The following IGFN1 variants were observed in gnomAD, a reference collection of about 807,000 sequenced individuals.
IGFN1 encodes immunoglobulin like and fibronectin type III domain containing 1, also known as immunoglobulin-like and fibronectin type III domain-containing protein 1.
Under a neutral mutation model 289.5 loss-of-function variants are expected in IGFN1, and 253 were observed. That is an observed-to-expected ratio of 0.87 (90% CI 0.79 to 0.97). The LOEUF (loss-of-function observed/expected upper bound fraction) is 0.97, where lower values mean the gene tolerates loss of function less well. Among genes scored for constraint, IGFN1 ranks in the 50% least tolerant of loss-of-function variants. IGFN1 has a pLI of 0.00. For synonymous variants in IGFN1, 1,706 were observed against 1,788.5 expected, an observed-to-expected ratio of 0.95 and a Z score of 1.16; for missense variants, 4,470 against 4,686.1, an observed-to-expected ratio of 0.95 and a Z score of 1.35.
rs1022969157 is a variant in IGFN1 at position 201,192,320 on chromosome 1, A to G, written c.-47-927A>G. On this transcript the variant is annotated intron_variant, in intron 1 of 23. Transcript: ENST00000335211. ...CTTTGGGCAGAAAATGGAGTCCCCA[A>G]AATGGAACCGCTTGGCCATGGGCCA... is the stretch of plus-strand genomic sequence containing the variant. Among the ~76,000 whole-genome samples the G allele has an allele frequency of 3.9e-5, 6 of 152,206 alleles. No homozygotes were observed. In the South Asian group the frequency reaches 1.2e-3, roughly 31 times the overall value.
chr1:201,215,442 T>A (rs1653161413), intron 14 of IGFN1, 97 bp from the exon 15 acceptor site: 3 of 1,143,154 alleles, frequency 2.6e-6, no homozygotes, highest in Non-Finnish European at 3.7e-6. Context: ...GGGGATTCCT[T>A]ACTCTTCCCC....
chr1:201,200,342 C>T lies in IGFN1; in HGVS notation c.564C>T (p.Ile188=), dbSNP rs752889375. Residue 188 remains isoleucine, a synonymous_variant, in exon 8 of 24, where the codon ATC becomes ATT. Coordinates refer to ENST00000335211, the MANE Select transcript of IGFN1 (RefSeq NM_001164586.2). ...DYEKICLKYG[I]VDYRGMLRRL... is the part of the protein sequence containing the mutation. ...AGAAGATCTGCTTGAAGTATGGCAT[C>T]GTCGACTACCGTGGCATGTTGCGCA... is the stretch of plus-strand genomic sequence containing the variant. The T allele has an allele frequency of 1.7e-5, 26 of 1,551,582 alleles. No individual in the cohort carries two copies. Among genetic ancestry groups the T allele is most frequent in the Middle Eastern group, 3.3e-4 (2 of 6,018 alleles).
In IGFN1 at chr1:201,210,799, C is replaced by T. The variant is rs1445291488; in HGVS notation, c.5906C>T (p.Pro1969Leu). The change falls in exon 12 of 24, where the codon CCT (proline) becomes CTT (leucine). Residue 1969 changes from proline to leucine, a missense_variant. Around this residue, in one of 8 missense-constraint regions of IGFN1, gnomAD observed 108 missense variants for 128.7 expected, o/e 0.84. Coordinates refer to ENST00000335211, the MANE Select transcript of IGFN1 (RefSeq NM_001164586.2). ...GGTTATAGGAAGGATTTGGGGGCTC[C>T]TAAGGGAATGGGTTCAGGGAGTAAG... ...KAGYRKDLGA[P>L]KGMGSGSKEG... The T allele has an allele frequency of 2.3e-5, 35 of 1,528,298 alleles. No individual in the cohort carries two copies. Among genetic ancestry groups the T allele is most frequent in the Non-Finnish European group, 2.9e-5 (33 of 1,144,054 alleles). 94.7% of individuals were successfully genotyped at this position (1,528,298 alleles called of 1,614,324 possible). A position where few individuals can be genotyped will look rare whatever the true frequency, so the allele number is the denominator to read the frequency against.
At chr1:201,202,024 T>A (rs1558136980) in intron 9 of IGFN1, among the ~76,000 whole-genome samples, 192 bp downstream of exon 9, 2 of 152,166 alleles carry the variant, frequency 1.3e-5, no homozygotes, top group Middle Eastern at 3.2e-3. Context: ...CCACAGGGAC[T>A]TCTTATCTCA....
At chr1:201,217,812 A>G (rs1406453753) in intron 17 of IGFN1, among the ~76,000 whole-genome samples, 1 of 152,218 alleles carries the variant, frequency 6.6e-6, no homozygotes, top group African/African-American at 2.4e-5. Flanking sequence ...CCCGGCTGAG[A>G]GCCAGAGATG....
At chr1:201,203,987 G>A (rs1192831006) in intron 10 of IGFN1, 81 bp downstream of exon 10, 3 of 1,274,440 alleles carry the variant, frequency 2.4e-6, no homozygotes, top group African/African-American at 3.0e-5. Flanking sequence ...GTGTGTGTTG[G>A]GGGGTAAATG....
rs945425558 is a variant in IGFN1, at chr1:201,221,445, A to G, written c.9900A>G (p.Arg3300=). ...SDAVFARDPM[R]PPGLVRNLQV... Reference sequence around the variant, plus strand: ...TGACTCTCCCATGGTGCCTGGCAGGACCCCCTGGGCTGGTGAGGAATCTCC... The same window carrying G: ...TGACTCTCCCATGGTGCCTGGCAGGGCCCCCTGGGCTGGTGAGGAATCTCC... The change falls in exon 19 of 24, where the codon AGA becomes AGG. Residue 3300 remains arginine (R), a splice_region_variant and synonymous_variant. Transcript: ENST00000335211. 2 of 1,567,708 alleles carry G rather than the reference A, an allele frequency of 1.3e-6. No individual in the cohort carries two copies. The highest frequency in any genetic ancestry group is 8.7e-7 in the Non-Finnish European group (1 of 1,153,954).
At chr1:201,201,633 G>T (rs1474059560) in intron 8 of IGFN1, 86 bp from the exon 9 acceptor site, 9 of 704,830 alleles carry the variant, frequency 1.3e-5, no homozygotes, top group Non-Finnish European at 1.8e-5. Flanking sequence ...GTGGGCCTGG[G>T]ATGGTACCAG....
At chr1:201,221,918 T>G (rs1453038999) in intron 19 of IGFN1, among the ~76,000 whole-genome samples, 172 bp downstream of exon 19, 1 of 152,232 alleles carries the variant, frequency 6.6e-6, no homozygotes, top group Non-Finnish European at 1.5e-5. Context: ...AGTCCCTTCT[T>G]AGAAATGTTT....
Position 201,193,246 on chromosome 1 carries a change from G to A in IGFN1, c.-47-1G>A, listed in dbSNP as rs1666736177. On this transcript the variant is annotated splice_acceptor_variant, in intron 1 of 23. Transcript: ENST00000335211. LOFTEE classifies it low-confidence loss of function (5UTR_SPLICE). ...AAAAGCAATTCCATTTCTGTTCTCA[G>A]GGTAATAGAACTTCTACCCTCAGAG... 4 of 1,436,572 alleles carry A rather than the reference G, an allele frequency of 2.8e-6. No homozygotes were observed. Among genetic ancestry groups the A allele is most frequent in the Non-Finnish European group, 2.9e-6 (3 of 1,041,062 alleles). 89.0% of individuals were successfully genotyped at this position (1,436,572 alleles called of 1,614,324 possible). A position where few individuals can be genotyped will look rare whatever the true frequency, so the allele number is the denominator to read the frequency against.
chr1:201,206,438 CAGA>C lies in IGFN1; in HGVS notation c.1548_1550del (p.Arg516del). On this transcript the variant is annotated inframe_deletion, in exon 12 of 24. Transcript: ENST00000335211. ...AATCCCACAGAGAGGGAGGCTGGGCCAGAAGCCTTGCAGAGAGGCCCCATCTAC... is the reference window on the plus strand; with the variant it reads ...AATCCCACAGAGAGGGAGGCTGGGCCAGCCTTGCAGAGAGGCCCCATCTAC... 1 of 1,551,192 alleles carries C rather than the reference CAGA, an allele frequency of 6.4e-7. No homozygotes were observed. Among genetic ancestry groups the C allele is most frequent in the Non-Finnish European group, 8.7e-7 (1 of 1,146,988 alleles).
chr1:201,193,512 C>T (rs768754261), intron 2 of IGFN1, among the ~76,000 whole-genome samples: 4 of 152,034 alleles, frequency 2.6e-5, no homozygotes, highest in South Asian at 4.1e-4. Context: ...AGTACAGTGA[C>T]GCGATCTCAG....
rs112342973 is a variant in IGFN1 at position 201,214,181 on chromosome 1, C to T, written c.8733C>T (p.Pro2911=). 6 of 1,612,020 alleles carry T rather than the reference C, an allele frequency of 3.7e-6. No homozygotes were observed. The highest frequency in any genetic ancestry group is 1.3e-5 in the African/African-American group (1 of 75,034). The change falls in exon 13 of 24, where the codon CCC becomes CCT. Residue 2911 remains proline (P), a synonymous_variant. Coordinates refer to ENST00000335211, the MANE Select transcript of IGFN1 (RefSeq NM_001164586.2). ...ATTCCCTCTGTGTCTCTCCAGGCCCCATGGGCCACTTCTCCCAGGGCCTGG... is the reference window on the plus strand; with the variant it reads ...ATTCCCTCTGTGTCTCTCCAGGCCCTATGGGCCACTTCTCCCAGGGCCTGG... ...TGSFSKDAQG[P]MGHFSQGLAD... is the part of the protein sequence containing the mutation.
Position 201,225,990 on chromosome 1 carries a change from C to A in IGFN1, c.10653C>A (p.Ile3551=). 6.3e-7 allele frequency: 1 copy of A among 1,583,984 alleles called. No homozygotes were observed. ...HGPWHEAADR[I]HTNRFTLLGI... is the part of the protein sequence containing the mutation. ...CCTGGCACGAGGCAGCCGACCGCAT[C>A]CACACCAACCGCTTCACCCTCCTGG... The change falls in exon 22 of 24, where the codon ATC becomes ATA. Residue 3551 remains isoleucine (I), a synonymous_variant. Transcript: ENST00000335211.
intron 5 of IGFN1, among the ~76,000 whole-genome samples, chr1:201,198,524 A>G (rs985072760): frequency 6.6e-6 from 1 of 152,086 alleles, no homozygotes; most frequent in Non-Finnish European, 1.5e-5. Context: ...TCCCAGGCCC[A>G]AGTGATCCTC....
In IGFN1 at chr1:201,210,826, A is replaced by C. The variant is rs77885442; in HGVS notation, c.5933A>C (p.Glu1978Ala). 380 of 1,380,972 alleles carry C rather than the reference A, an allele frequency of 2.8e-4. No homozygotes were observed. The African/African-American group carries it at 3.4e-3, about 12-fold the overall frequency. 85.5% of individuals were successfully genotyped at this position (1,380,972 alleles called of 1,614,324 possible). A position where few individuals can be genotyped will look rare whatever the true frequency, so the allele number is the denominator to read the frequency against. ...AAGGGAATGGGTTCAGGGAGTAAGGAAGGTTTCAGGGATGGTTTAGGGGGT... is the reference window on the plus strand; with the variant it reads ...AAGGGAATGGGTTCAGGGAGTAAGGCAGGTTTCAGGGATGGTTTAGGGGGT... ...APKGMGSGSK[E>A]GFRDGLGGSE... Residue 1978 changes from glutamate to alanine, a missense_variant, in exon 12 of 24, where the codon GAA becomes GCA. By Grantham distance (107) the Glu-to-Ala change is moderately radical. Transcript: ENST00000335211.
intron 17 of IGFN1, 115 bp downstream of exon 17, chr1:201,217,575 C>A: frequency 9.6e-7 from 1 of 1,044,164 alleles, no homozygotes; most frequent in Non-Finnish European, 1.4e-6. Context: ...GGTGGTTTGG[C>A]AACGTCTGGA....
intron 17 of IGFN1, among the ~76,000 whole-genome samples, chr1:201,217,977 A>G (rs985756677): frequency 9.8e-5 from 15 of 152,340 alleles, no homozygotes; most frequent in Non-Finnish European, 1.9e-4. Context: ...GAGATCAGAA[A>G]GAACTTGGAA....
intron 9 of IGFN1, among the ~76,000 whole-genome samples, 175 bp downstream of exon 9, chr1:201,202,007 C>G (rs1171122762): frequency 6.6e-6 from 1 of 152,140 alleles, no homozygotes; most frequent in Non-Finnish European, 1.5e-5. Flanking sequence ...TGGTGTAGAC[C>G]ATCCATCCAC....
Sources: gnomAD v4.1 joint callset for allele counts (sites outside exome capture counted in the v4.1 genomes callset) on GRCh38, gnomAD v4.1.1 for gene constraint, gnomAD v4.1.1 regional missense constraint, MANE v1.5 for transcripts, NCBI Gene and HGNC (gene_info 2026-07-23, HGNC 2026-07-21) for gene names.